FBXW7: variants seen among roughly 807,000 people sequenced by gnomAD.
FBXW7 encodes F-box and WD repeat domain containing 7, also known as F-box/WD repeat-containing protein 7.
In FBXW7, 11 loss-of-function variants were observed where a neutral mutation model predicts 86.3. That is an observed-to-expected ratio of 0.13 (90% CI 0.08 to 0.21). The LOEUF (loss-of-function observed/expected upper bound fraction) is 0.21. FBXW7 is among the 10% of genes least tolerant of loss of function. FBXW7 has a pLI of 1.00. For missense variants in FBXW7, 488 were observed against 847.4 expected (o/e 0.58, Z 5.27); for synonymous variants, 313 against 297.9 (o/e 1.05, Z -0.52).
chr4:152,332,134 C>T (rs937019430), intron 8 of FBXW7, among the ~76,000 whole-genome samples: 3 of 151,982 alleles, frequency 2.0e-5, no homozygotes, highest in Admixed American at 1.3e-4. Flanking sequence ...TCCCAATACA[C>T]AGGATAACTA....
intron 2 of FBXW7, among the ~76,000 whole-genome samples, chr4:152,490,930 CA>C (rs1262221812): frequency 3.3e-5 from 5 of 151,812 alleles, no homozygotes; most frequent in Admixed American, 2.6e-4. Context: ...TGATAAATAC[CA>C]AAACTAATAG....
rs759195243 is a variant in FBXW7, at chr4:152,404,294, A to G, written c.501+7009T>C. On this transcript the variant is annotated intron_variant, in intron 4 of 13. Transcript: ENST00000281708. Reference sequence around the variant, plus strand: ...CCACATAGAATAATAATTGGTTTCCAGCAGAGAGTTATTTTTCAAATAAAG... The same window carrying G: ...CCACATAGAATAATAATTGGTTTCCGGCAGAGAGTTATTTTTCAAATAAAG... Among the ~76,000 whole-genome samples the G allele has an allele frequency of 2.6e-4, 40 of 152,246 alleles. 1 individual carries two copies. Among genetic ancestry groups the G allele is most frequent in the Non-Finnish European group, 4.0e-4 (27 of 68,042 alleles).
intron 2 of FBXW7, among the ~76,000 whole-genome samples, chr4:152,464,317 A>G (rs1356300): frequency 6.6e-6 from 1 of 151,856 alleles, no homozygotes; most frequent in East Asian, 1.9e-4. Context: ...GAGCATTAAG[A>G]GGAAGAAAAA....
At chr4:152,445,475 C>T (rs188372265) in intron 2 of FBXW7, among the ~76,000 whole-genome samples, 147 of 152,256 alleles carry the variant, frequency 9.7e-4, no homozygotes, top group African/African-American at 3.3e-3. Context: ...CAGGCTGATG[C>T]CTAAAGTTTT....
intron 4 of FBXW7, among the ~76,000 whole-genome samples, chr4:152,410,072 T>C (rs1350904398): frequency 6.6e-6 from 1 of 152,202 alleles, no homozygotes; most frequent in East Asian, 1.9e-4. Context: ...TTTGTCTAAC[T>C]AGCTTTTTTT....
intron 2 of FBXW7, among the ~76,000 whole-genome samples, chr4:152,474,334 G>A (rs1250872563): frequency 2.0e-5 from 3 of 152,166 alleles, no homozygotes; most frequent in African/African-American, 7.2e-5. Context: ...AATCTAGCAT[G>A]TTTAGATAGT....
rs143199223 is a variant in FBXW7 at position 152,526,392 on chromosome 4, T to C, written c.-120+8549A>G. Among the ~76,000 whole-genome samples the C allele has an allele frequency of 5.5e-3, 833 of 152,328 alleles. 17 individuals carry two copies. Among genetic ancestry groups the C allele is most frequent in the East Asian group, 0.045 (233 of 5,188 alleles). ...AATCAAGAAGCATTTATTTATTGTA[T>C]TGGCCAATAAAACACTGATTATGCC... On this transcript the variant is annotated intron_variant, in intron 2 of 13. Coordinates refer to ENST00000281708, the MANE Select transcript of FBXW7 (RefSeq NM_001349798.2).
chr4:152,529,099 C>G lies in FBXW7; in HGVS notation c.-120+5842G>C, dbSNP rs1486525885. Among the ~76,000 whole-genome samples, 9 of 152,256 alleles carry G rather than the reference C, an allele frequency of 5.9e-5. No homozygotes were observed. In the East Asian group the frequency reaches 1.7e-3, roughly 29 times the overall value. On this transcript the variant is annotated intron_variant, in intron 2 of 13. Transcript: ENST00000281708. ...ACACTAAAAACATACACATTTTTCCCTGGTCCACTCAAAGTATCAACAAAC... is the reference window on the plus strand; with the variant it reads ...ACACTAAAAACATACACATTTTTCCGTGGTCCACTCAAAGTATCAACAAAC...
intron 4 of FBXW7, among the ~76,000 whole-genome samples, chr4:152,405,106 A>AG (rs2126855024): frequency 6.6e-6 from 1 of 150,880 alleles, no homozygotes; most frequent in Non-Finnish European, 1.5e-5. Flanking sequence ...AAAAAAAAAA[A>AG]AAAAAAAAAA....
intron 2 of FBXW7, among the ~76,000 whole-genome samples, chr4:152,500,208 T>A (rs2149698559): frequency 6.6e-6 from 1 of 152,240 alleles, no homozygotes; most frequent in East Asian, 1.9e-4. Context: ...CAGTGATAAA[T>A]CCACTCCATC....
intron 4 of FBXW7, chr4:152,352,804 T>C (rs919282135): frequency 4.4e-6 from 7 of 1,576,260 alleles, no homozygotes; most frequent in Non-Finnish European, 5.1e-6. Context: ...TGGAGGAGAC[T>C]ATGCCCTGTC....
In FBXW7 at chr4:152,535,618, C is replaced by T. The variant is rs1750472592; in HGVS notation, c.-704G>A. 5.0e-6 allele frequency: 2 copies of T among 397,016 alleles called. No homozygotes were observed. The highest frequency in any genetic ancestry group is 4.4e-5 in the Admixed American group (1 of 22,646). The allele number at this position is 397,016 out of a possible 1,614,324, so 24.6% of individuals were successfully genotyped here. Reference sequence around the variant, plus strand: ...GAGGGACCCGGCCGGCTCCGCTCGGCGCCGCCCCCGCTCCCGGCTCCCGCA... The same window carrying T: ...GAGGGACCCGGCCGGCTCCGCTCGGTGCCGCCCCCGCTCCCGGCTCCCGCA... On this transcript the variant is annotated 5_prime_UTR_variant, in exon 1 of 14. Coordinates refer to ENST00000281708, the MANE Select transcript of FBXW7 (RefSeq NM_001349798.2).
intron 4 of FBXW7, among the ~76,000 whole-genome samples, chr4:152,351,293 C>T (rs1320350304): frequency 6.6e-6 from 1 of 152,032 alleles, no homozygotes; most frequent in Non-Finnish European, 1.5e-5. Flanking sequence ...ATGTTTTTGT[C>T]ATCACGAAGA....
chr4:152,346,709 C>A, intron 6 of FBXW7: 1 of 500,798 alleles, frequency 2.0e-6, no homozygotes, highest in Non-Finnish European at 3.4e-6. Flanking sequence ...AACCATTAAT[C>A]TACTTTCTGT....
At chr4:152,500,183 G>A (rs546160726) in intron 2 of FBXW7, among the ~76,000 whole-genome samples, 1 of 152,146 alleles carries the variant, frequency 6.6e-6, no homozygotes, top group Admixed American at 6.5e-5. Flanking sequence ...AATAGGGGAG[G>A]TAAGTGAATG....
intron 2 of FBXW7, among the ~76,000 whole-genome samples, chr4:152,493,510 GC>G (rs1192704503): frequency 6.6e-6 from 1 of 152,104 alleles, no homozygotes; most frequent in Non-Finnish European, 1.5e-5. Flanking sequence ...GAGATTATGT[GC>G]CAAACTGTCT....
At chr4:152,452,321 G>C (rs1031280177) in intron 2 of FBXW7, among the ~76,000 whole-genome samples, 11 of 152,232 alleles carry the variant, frequency 7.2e-5, no homozygotes, top group Admixed American at 5.9e-4. Context: ...AACAAATTTA[G>C]AATCACTAAA....
chr4:152,531,063 A>ACC (rs1209759319), intron 2 of FBXW7, among the ~76,000 whole-genome samples: 1 of 151,880 alleles, frequency 6.6e-6, no homozygotes, highest in African/African-American at 2.4e-5. Context: ...GTGCTAAAAC[A>ACC]CACACACACA....
At chr4:152,447,598 A>T (rs1364898882) in intron 2 of FBXW7, among the ~76,000 whole-genome samples, 1 of 152,242 alleles carries the variant, frequency 6.6e-6, no homozygotes, top group South Asian at 2.1e-4. Flanking sequence ...TTTGAAATTT[A>T]TAATACTTGA....
Sources: allele counts gnomAD v4.1 joint callset (sites outside exome capture counted in the v4.1 genomes callset), GRCh38; gene constraint gnomAD v4.1.1; transcripts MANE v1.5; gene names NCBI Gene and HGNC (gene_info 2026-07-23, HGNC 2026-07-21).